DEFB131B: variants seen among roughly 807,000 people sequenced by gnomAD.
The protein encoded by DEFB131B is defensin beta 131B.
DEFB131B carries 2 observed loss-of-function variants against 2.1 expected under a neutral mutation model. The ratio of observed to expected loss-of-function variants is 0.94; its 90% CI spans 0.38 to 2.95. The LOEUF (loss-of-function observed/expected upper bound fraction) is 2.95, where lower values mean the gene tolerates loss of function less well. Among genes scored for constraint, DEFB131B ranks in the 30% most tolerant of loss-of-function variants. The pLI is 0.09. For missense variants in DEFB131B, 77 were observed against 78.5 expected, an observed-to-expected ratio of 0.98 and a Z score of 0.07; for synonymous variants, 26 against 25.8, an observed-to-expected ratio of 1.01 and a Z score of -0.03.
chr11:71,884,147 G>A (rs1286053272), intron 1 of DEFB131B, among the ~76,000 whole-genome samples: 2 of 152,068 alleles, frequency 1.3e-5, no homozygotes, highest in Non-Finnish European at 2.9e-5. Flanking sequence ...ATTCATTTTA[G>A]GTAGAAATAT....
At position 71,884,391 on chromosome 11, in the gene DEFB131B, T is replaced by C; in HGVS notation, c.59-16T>C. ...AAGTAATATTGTGTCATATAATTTG[T>C]CTTCTCTTTTTAAAGCCAGAAGCTT... On this transcript the variant is annotated splice_polypyrimidine_tract_variant and intron_variant, in intron 1 of 1. Coordinates refer to ENST00000530210, the MANE Select transcript of DEFB131B (RefSeq NM_001242853.1). The C allele has an allele frequency of 6.4e-7, 1 of 1,564,036 alleles. No homozygotes were observed. The highest frequency in any genetic ancestry group is 8.7e-7 in the Non-Finnish European group (1 of 1,154,804).
chr11:71,880,356 T>C (rs1952552507), intron 1 of DEFB131B, among the ~76,000 whole-genome samples: 1 of 152,160 alleles, frequency 6.6e-6, no homozygotes, highest in Admixed American at 6.5e-5. Context: ...TTTATATCAG[T>C]TGTAATGTCT....
chr11:71,878,610 T>A (rs1952539790), intron 1 of DEFB131B, 100 bp downstream of exon 1: 1 of 1,235,136 alleles, frequency 8.1e-7, no homozygotes, highest in African/African-American at 1.5e-5. Context: ...ATGGGCAGAT[T>A]TTACTGTACC....
chr11:71,879,750 T>C (rs1276265649), intron 1 of DEFB131B, among the ~76,000 whole-genome samples: 1 of 152,146 alleles, frequency 6.6e-6, no homozygotes, highest in South Asian at 2.1e-4. Context: ...AAGAAATCTC[T>C]CCTCCTCCCA....
In DEFB131B at chr11:71,884,401, T is replaced by G; in HGVS notation, c.59-6T>G. 6.4e-7 allele frequency: 1 copy of G among 1,571,300 alleles called. No homozygotes were observed. On this transcript the variant is annotated splice_polypyrimidine_tract_variant and splice_region_variant and intron_variant, in intron 1 of 1. Coordinates refer to ENST00000530210, the MANE Select transcript of DEFB131B (RefSeq NM_001242853.1). ...GTGTCATATAATTTGTCTTCTCTTT[T>G]TAAAGCCAGAAGCTTCACTTCTAAT...
chr11:71,879,055 A>G (rs551926766), intron 1 of DEFB131B, among the ~76,000 whole-genome samples: 1 of 152,166 alleles, frequency 6.6e-6, no homozygotes, highest in Non-Finnish European at 1.5e-5. Context: ...TGATCAAAAG[A>G]TGGTGAGAGG....
intron 1 of DEFB131B, among the ~76,000 whole-genome samples, chr11:71,879,646 C>T (rs1415360342): frequency 6.6e-6 from 1 of 151,780 alleles, no homozygotes; most frequent in African/African-American, 2.4e-5. Context: ...TATTCATTGC[C>T]TTAAAGTGTT....
chr11:71,879,119 A>T (rs669082), intron 1 of DEFB131B, among the ~76,000 whole-genome samples: 31,864 of 152,088 alleles, frequency 0.21, 6,284 homozygotes, highest in African/African-American at 0.52. Flanking sequence ...AAGCGAATGA[A>T]GACTAGAAGA....
intron 1 of DEFB131B, among the ~76,000 whole-genome samples, chr11:71,879,805 C>T (rs927350215): frequency 1.9e-4 from 29 of 152,122 alleles, no homozygotes; most frequent in Non-Finnish European, 3.1e-4. Flanking sequence ...ATGTATATTC[C>T]TATTCTGGAC....
At position 71,879,674 on chromosome 11, in the gene DEFB131B, A is replaced by C. The variant is rs557101041; in HGVS notation, c.58+1164A>C. ...AAAGTGTTCTATTCAGTGGTTATCA[A>C]GTGTATTCTTAAAATTGTGCACCCC... On this transcript the variant is annotated intron_variant, in intron 1 of 1. Coordinates refer to ENST00000530210, the MANE Select transcript of DEFB131B (RefSeq NM_001242853.1). Among the ~76,000 whole-genome samples, 156 of 152,256 alleles carry C rather than the reference A, an allele frequency of 1.0e-3. 2 individuals are homozygous for C. In the South Asian group the frequency reaches 0.03, roughly 30 times the overall value.
chr11:71,881,450 C>A (rs1228328009), intron 1 of DEFB131B, among the ~76,000 whole-genome samples: 3 of 152,108 alleles, frequency 2.0e-5, no homozygotes, highest in Non-Finnish European at 4.4e-5. Flanking sequence ...AAGATCAAGA[C>A]GTCAGCACAT....
intron 1 of DEFB131B, 80 bp downstream of exon 1, chr11:71,878,590 T>C: frequency 6.8e-7 from 1 of 1,465,646 alleles, no homozygotes; most frequent in Non-Finnish European, 9.3e-7. Context: ...AGTCTGAAAA[T>C]AAATTAGGCA....
At chr11:71,881,128 CATG>C (rs1249774000) in intron 1 of DEFB131B, among the ~76,000 whole-genome samples, 1 of 152,184 alleles carries the variant, frequency 6.6e-6, no homozygotes, top group Non-Finnish European at 1.5e-5. Context: ...CCTCAGTTAT[CATG>C]ATGTTGAGGT....
intron 1 of DEFB131B, among the ~76,000 whole-genome samples, chr11:71,883,737 T>C (rs1374504999): frequency 6.6e-6 from 1 of 152,198 alleles, no homozygotes; most frequent in Admixed American, 6.5e-5. Flanking sequence ...ATTGGTATGT[T>C]TAAAGGGAAT....
chr11:71,878,605 C>G, intron 1 of DEFB131B, 95 bp downstream of exon 1: 1 of 1,283,530 alleles, frequency 7.8e-7, no homozygotes, highest in Admixed American at 2.1e-5. Flanking sequence ...TAGGCATGGG[C>G]AGATTTTACT....
At chr11:71,882,330 C>T (rs1173445154) in intron 1 of DEFB131B, among the ~76,000 whole-genome samples, 2 of 151,992 alleles carry the variant, frequency 1.3e-5, no homozygotes, top group East Asian at 1.9e-4. Flanking sequence ...GACCTTGGCT[C>T]ACTGCAGCCT....
rs181238590 is a variant in DEFB131B, at chr11:71,880,773, G to A, written c.58+2263G>A. On this transcript the variant is annotated intron_variant, in intron 1 of 1. Coordinates refer to ENST00000530210, the MANE Select transcript of DEFB131B (RefSeq NM_001242853.1). ...TTCTGAGTTTTTTCATTGACTCAAT[G>A]GTTGTTCAGAAGCATGTTGTTTAAT... Among the ~76,000 whole-genome samples, 3 of 152,218 alleles carry A rather than the reference G, an allele frequency of 2.0e-5. No individual in the cohort carries two copies. The East Asian group carries it at 5.8e-4, about 29-fold the overall frequency.
chr11:71,882,546 A>G (rs1952576282), intron 1 of DEFB131B, among the ~76,000 whole-genome samples: 1 of 152,242 alleles, frequency 6.6e-6, no homozygotes, highest in African/African-American at 2.4e-5. Context: ...TCTAAATTAA[A>G]GTAAAAATAC....
chr11:71,884,051 C>T (rs914426594), intron 1 of DEFB131B, among the ~76,000 whole-genome samples: 4 of 152,172 alleles, frequency 2.6e-5, no homozygotes, highest in Non-Finnish European at 4.4e-5. Flanking sequence ...AGATTCCATC[C>T]CCAATGACTT....
Sources: gnomAD v4.1 joint callset for allele counts (sites outside exome capture counted in the v4.1 genomes callset) on GRCh38, gnomAD v4.1.1 for gene constraint, MANE v1.5 for transcripts, NCBI Gene and HGNC (gene_info 2026-07-23, HGNC 2026-07-21) for gene names.